BRMS1L: variants seen among roughly 807,000 people sequenced by gnomAD.
The protein encoded by BRMS1L is BRMS1 like transcriptional repressor, also known as breast cancer metastasis-suppressor 1-like protein.
In BRMS1L, 23 loss-of-function variants were observed where a neutral mutation model predicts 50.3. The ratio of observed to expected loss-of-function variants is 0.46; its 90% CI spans 0.33 to 0.65. The LOEUF is 0.65. BRMS1L is among the 30% of genes least tolerant of loss of function. The pLI is 0.02. For synonymous variants in BRMS1L, 114 were observed against 126.9 expected, an observed-to-expected ratio of 0.90 and a Z score of 0.69; for missense variants, 286 against 386.1, an observed-to-expected ratio of 0.74 and a Z score of 2.17.
At chr14:35,846,211 ACT>A (rs1366464376) in intron 4 of BRMS1L, among the ~76,000 whole-genome samples, 1 of 148,320 alleles carries the variant, frequency 6.7e-6, no homozygotes, top group Non-Finnish European at 1.5e-5. Flanking sequence ...ACAAAGCAAG[ACT>A]CTGTCAAAAC....
intron 4 of BRMS1L, among the ~76,000 whole-genome samples, chr14:35,843,779 C>T (rs1183130461): frequency 1.3e-5 from 2 of 152,236 alleles, no homozygotes; most frequent in Non-Finnish European, 2.9e-5. Flanking sequence ...GCTGAAGCTG[C>T]GCCCATAGCC....
intron 8 of BRMS1L, 119 bp downstream of exon 8, chr14:35,865,880 G>A (rs1427991654): frequency 2.3e-6 from 2 of 886,192 alleles, no homozygotes; most frequent in Admixed American, 2.6e-5. Flanking sequence ...TGAACACCGT[G>A]CCTGAAATTA....
chr14:35,826,385 G>A lies in BRMS1L; in HGVS notation c.-132G>A, dbSNP rs1181806226. On this transcript the variant is annotated 5_prime_UTR_variant, in exon 1 of 10. Coordinates refer to ENST00000216807, the MANE Select transcript of BRMS1L (RefSeq NM_032352.4). ...CGGGTTAGGTTGTGAGGCCCGGGCCGGGGGCGGGGAGGAGCCAAGGGGGCG... is the reference window on the plus strand; with the variant it reads ...CGGGTTAGGTTGTGAGGCCCGGGCCAGGGGCGGGGAGGAGCCAAGGGGGCG... 32 of 1,358,048 alleles carry A rather than the reference G, an allele frequency of 2.4e-5. No individual in the cohort carries two copies. The highest frequency in any genetic ancestry group is 2.9e-5 in the Non-Finnish European group (29 of 995,730). The allele number at this position is 1,358,048 out of a possible 1,614,324, so 84.1% of individuals were successfully genotyped here.
intron 4 of BRMS1L, among the ~76,000 whole-genome samples, chr14:35,854,741 G>A (rs2078258390): frequency 6.6e-6 from 1 of 152,014 alleles, no homozygotes; most frequent in Non-Finnish European, 1.5e-5. Flanking sequence ...TTATGATTCT[G>A]ACCTAAGGCA....
intron 4 of BRMS1L, among the ~76,000 whole-genome samples, chr14:35,838,495 G>A (rs1012122345): frequency 8.7e-5 from 13 of 148,632 alleles, no homozygotes; most frequent in African/African-American, 2.7e-4. Flanking sequence ...CACCAACAGT[G>A]TAAAAGCTTT....
At chr14:35,863,431 T>A (rs1408535847) in intron 5 of BRMS1L, among the ~76,000 whole-genome samples, 2 of 152,178 alleles carry the variant, frequency 1.3e-5, no homozygotes, top group Non-Finnish European at 2.9e-5. Context: ...AGGGTAGGCA[T>A]GGTGGAGTCA....
intron 5 of BRMS1L, 83 bp downstream of exon 5, chr14:35,862,769 T>A (rs540829087): frequency 1.5e-6 from 1 of 663,420 alleles, no homozygotes; most frequent in African/African-American, 1.9e-5. Flanking sequence ...CTCAGTCTTC[T>A]AATATTAATA....
intron 4 of BRMS1L, among the ~76,000 whole-genome samples, chr14:35,841,544 G>A (rs57828469): frequency 0.019 from 2,882 of 152,200 alleles, 76 homozygotes; most frequent in African/African-American, 0.063. Flanking sequence ...TGATCTGCCC[G>A]CCTTGGCCTC....
Position 35,832,858 on chromosome 14 carries a change from A to G in BRMS1L, c.234-120A>G, listed in dbSNP as rs192637615. On this transcript the variant is annotated intron_variant, in intron 2 of 9. Coordinates refer to ENST00000216807, the MANE Select transcript of BRMS1L (RefSeq NM_032352.4). ...GTTCTCTGCTTGAGATCAAGGCAAAATATATTTGATAGATTATTAGAATAT... is the reference window on the plus strand; with the variant it reads ...GTTCTCTGCTTGAGATCAAGGCAAAGTATATTTGATAGATTATTAGAATAT... 771 of 921,568 alleles carry G rather than the reference A, an allele frequency of 8.4e-4. 4 individuals carry two copies. The highest frequency in any genetic ancestry group is 7.2e-3 in the African/African-American group (429 of 59,408). The allele number at this position is 921,568 out of a possible 1,614,324, so 57.1% of individuals were successfully genotyped here.
intron 8 of BRMS1L, 84 bp from the exon 9 acceptor site, chr14:35,867,822 T>C: frequency 5.3e-6 from 7 of 1,319,004 alleles, no homozygotes; most frequent in Non-Finnish European, 6.9e-6. Context: ...TATGCATGGA[T>C]TGATGTTAAT....
intron 4 of BRMS1L, among the ~76,000 whole-genome samples, chr14:35,839,348 A>G (rs1384517209): frequency 6.6e-6 from 1 of 152,194 alleles, no homozygotes; most frequent in East Asian, 1.9e-4. Context: ...TGTCTTGGCT[A>G]TATGGGCTCT....
intron 4 of BRMS1L, among the ~76,000 whole-genome samples, chr14:35,846,987 A>T (rs1387848491): frequency 6.6e-6 from 1 of 152,012 alleles, no homozygotes; most frequent in South Asian, 2.1e-4. Context: ...AAACACAAAA[A>T]AATAAAACGC....
At chr14:35,851,482 G>A (rs1006041216) in intron 4 of BRMS1L, among the ~76,000 whole-genome samples, 2 of 152,034 alleles carry the variant, frequency 1.3e-5, no homozygotes, top group Admixed American at 6.6e-5. Flanking sequence ...TTTGTGAAAA[G>A]AAGTACAAAA....
At chr14:35,852,707 A>G (rs144073188) in intron 4 of BRMS1L, among the ~76,000 whole-genome samples, 4,619 of 152,032 alleles carry the variant, frequency 0.03, 191 homozygotes, top group African/African-American at 0.088. Flanking sequence ...CGAGGTGGGC[A>G]GGTCATGAGG....
chr14:35,849,649 A>G (rs2078183110), intron 4 of BRMS1L, among the ~76,000 whole-genome samples: 1 of 151,936 alleles, frequency 6.6e-6, no homozygotes, highest in Non-Finnish European at 1.5e-5. Context: ...GGGATGATAA[A>G]TCATTGTTGT....
In BRMS1L at chr14:35,870,540, G is replaced by A; in HGVS notation, c.*63G>A. Reference sequence around the variant, plus strand: ...GTTACCAAATGTAAGTGCCATGAGAGTAAAAAAATGTATTCAATAACTTAA... The same window carrying A: ...GTTACCAAATGTAAGTGCCATGAGAATAAAAAAATGTATTCAATAACTTAA... On this transcript the variant is annotated 3_prime_UTR_variant, in exon 10 of 10. Coordinates refer to ENST00000216807, the MANE Select transcript of BRMS1L (RefSeq NM_032352.4). The A allele has an allele frequency of 1.1e-6, 1 of 912,316 alleles. No homozygotes were observed. The highest frequency in any genetic ancestry group is 1.5e-5 in the South Asian group (1 of 65,206). 56.5% of individuals were successfully genotyped at this position (912,316 alleles called of 1,614,324 possible).
intron 5 of BRMS1L, 128 bp from the exon 6 acceptor site, chr14:35,863,742 A>T (rs1201429784): frequency 1.4e-6 from 1 of 728,964 alleles, no homozygotes; most frequent in Non-Finnish European, 2.3e-6. Flanking sequence ...TAATCTATAT[A>T]TACCCAGCTG....
At chr14:35,842,139 G>C (rs2078074778) in intron 4 of BRMS1L, among the ~76,000 whole-genome samples, 2 of 151,808 alleles carry the variant, frequency 1.3e-5, no homozygotes, top group Admixed American at 6.6e-5. Context: ...CAGTTTGCCT[G>C]TCTGTGTCTT....
chr14:35,869,164 T>C (rs1054554497), intron 9 of BRMS1L, among the ~76,000 whole-genome samples: 5 of 152,212 alleles, frequency 3.3e-5, no homozygotes, highest in Admixed American at 6.5e-5. Context: ...AGAAGCTCAT[T>C]GAACTACTAG....
Sources: allele counts gnomAD v4.1 joint callset (sites outside exome capture counted in the v4.1 genomes callset), GRCh38; gene constraint gnomAD v4.1.1; transcripts MANE v1.5; gene names NCBI Gene and HGNC (gene_info 2026-07-23, HGNC 2026-07-21).